The following POMGNT1 variants were observed in gnomAD, a reference collection of about 807,000 sequenced individuals.
POMGNT1 encodes protein O-linked mannose N-acetylglucosaminyltransferase 1 (beta 1,2-).
POMGNT1 carries 67 observed loss-of-function variants against 95.6 expected under a neutral mutation model. That is an observed-to-expected ratio of 0.70 (90% CI 0.58 to 0.86). The LOEUF (loss-of-function observed/expected upper bound fraction) is 0.86. POMGNT1 is among the 40% of genes least tolerant of loss of function. The pLI is 0.00. For synonymous variants in POMGNT1, 298 were observed against 317.9 expected (o/e 0.94, Z 0.66); for missense variants, 719 against 855.2 (o/e 0.84, Z 1.99).
upstream of POMGNT1, among the ~76,000 whole-genome samples, chr1:46,202,671 T>A (rs1658567645): frequency 8.8e-6 from 1 of 113,066 alleles, no homozygotes; most frequent in Non-Finnish European, 1.6e-5. Flanking sequence ...CGCTACATCC[T>A]GGGCGACAGA....
chr1:46,197,305 T>TA (rs1159095211), intron 2 of POMGNT1: 1 of 1,488,952 alleles, frequency 6.7e-7, no homozygotes, highest in Non-Finnish European at 9.0e-7. Flanking sequence ...GGGCCCTCCC[T>TA]ACCCAGTGCT....
At chr1:46,219,069 G>A (rs1659150391) in intron 1 of POMGNT1, among the ~76,000 whole-genome samples, 1 of 152,032 alleles carries the variant, frequency 6.6e-6, no homozygotes. Context: ...GGCTGAGGTG[G>A]GCGGATCACC....
upstream of POMGNT1, among the ~76,000 whole-genome samples, chr1:46,200,384 G>A (rs567470650): frequency 4.6e-5 from 7 of 152,110 alleles, no homozygotes; most frequent in Non-Finnish European, 8.8e-5. Context: ...CCCCTCTAAC[G>A]CAACAGCACA....
chr1:46,211,100 C>A (rs1266811610), intron 1 of POMGNT1, among the ~76,000 whole-genome samples: 3 of 152,040 alleles, frequency 2.0e-5, no homozygotes, highest in Admixed American at 6.6e-5. Context: ...TTTAAAGAGA[C>A]TTTATTGGTT....
intron 13 of POMGNT1, 103 bp from the exon 14 acceptor site, chr1:46,193,061 C>T: frequency 1.2e-6 from 2 of 1,604,200 alleles, no homozygotes; most frequent in Non-Finnish European, 1.7e-6. Flanking sequence ...CCCCATTTTC[C>T]AGATGTGAAG....
intron 1 of POMGNT1, among the ~76,000 whole-genome samples, chr1:46,211,456 C>T (rs1296625314): frequency 7.2e-5 from 11 of 151,810 alleles, no homozygotes; most frequent in Non-Finnish European, 1.2e-4. Context: ...CACACACACA[C>T]ACACACACAC....
upstream of POMGNT1, among the ~76,000 whole-genome samples, chr1:46,199,918 C>T (rs981240040): frequency 1.3e-5 from 2 of 152,106 alleles, no homozygotes; most frequent in African/African-American, 4.8e-5. Context: ...TCACGTAATC[C>T]CAGCAGGTTG....
At chr1:46,213,439 G>A (rs1431554109) in intron 1 of POMGNT1, among the ~76,000 whole-genome samples, 1 of 151,318 alleles carries the variant, frequency 6.6e-6, no homozygotes, top group Admixed American at 6.7e-5. Context: ...CCTCCTGCTG[G>A]TGTATTTCTC....
upstream of POMGNT1, among the ~76,000 whole-genome samples, chr1:46,202,915 G>GGGC (rs1658583724): frequency 9.1e-6 from 1 of 109,956 alleles, no homozygotes; most frequent in African/African-American, 3.5e-5. Context: ...CTGGGGGGGG[G>GGGC]GGGTGGTGTG....
In POMGNT1 at chr1:46,189,438, G is replaced by A; in HGVS notation, c.1895+20C>T. ...TCTCACTAGGCCTCCTGTTTCCCAG[G>A]GCAGAAAAGGGTCACTCACGAGTAG... On this transcript the variant is annotated intron_variant, in intron 21 of 21. Transcript: ENST00000371984. The A allele has an allele frequency of 2.5e-6, 4 of 1,613,458 alleles. No homozygotes were observed. Among genetic ancestry groups the A allele is most frequent in the Non-Finnish European group, 3.4e-6 (4 of 1,179,708 alleles).
chr1:46,194,961 C>T lies in POMGNT1; in HGVS notation c.535G>A (p.Asp179Asn), dbSNP rs776268394. ...PGRVLICTVK[D>N]EGSFHLKDTA... ...TCCTTGAGGTGGAAGGAGCCCTCAT[C>T]CTGGGGGACCAGAGAAGGCAGTTAG... is the stretch of plus-strand genomic sequence containing the variant. Residue 179 changes from aspartate (D) to asparagine (N), a missense_variant and splice_region_variant, in exon 7 of 22, where the codon GAT (aspartate) becomes AAT (asparagine). By Grantham distance (23) the Asp-to-Asn change is conservative. This residue lies in a region of POMGNT1 where 466 missense variants were observed against 517.4 expected (regional missense o/e 0.90). Transcript: ENST00000371984. 2 of 1,614,050 alleles carry T rather than the reference C, an allele frequency of 1.2e-6. No individual in the cohort carries two copies. The highest frequency in any genetic ancestry group is 2.2e-5 in the South Asian group (2 of 91,082).
upstream of POMGNT1, among the ~76,000 whole-genome samples, chr1:46,202,108 G>GAA (rs572883655): frequency 5.1e-5 from 7 of 136,538 alleles, no homozygotes; most frequent in South Asian, 2.6e-4. Flanking sequence ...AACACCAAAA[G>GAA]AAAAAAAAAA....
chr1:46,197,501 G>A, intron 2 of POMGNT1: 1 of 1,494,756 alleles, frequency 6.7e-7, no homozygotes, highest in South Asian at 1.3e-5. Flanking sequence ...CAGAAGCTTA[G>A]AAGTTGTACT....
chr1:46,195,550 G>C (rs1658163314), intron 6 of POMGNT1: 2 of 524,764 alleles, frequency 3.8e-6, no homozygotes, highest in African/African-American at 3.8e-5. Context: ...ACCTCCCACT[G>C]CTGGAATATA....
In POMGNT1 at chr1:46,204,977, G is replaced by A. The variant is rs186053455; in HGVS notation, c.-50-7106C>T. 1.5e-4 allele frequency among the ~76,000 whole-genome samples: 23 copies of A among 152,346 alleles called. No individual in the cohort carries two copies. In the South Asian group the frequency reaches 3.5e-3, roughly 23 times the overall value. On this transcript the variant is annotated intron_variant, in intron 1 of 22. Coordinates refer to the POMGNT1 transcript ENST00000371992. ...TATAGATGGAGAAACTGAGGCACAGGGTGGGCATGGTGGCTCACGCCTGTA... is the reference window on the plus strand; with the variant it reads ...TATAGATGGAGAAACTGAGGCACAGAGTGGGCATGGTGGCTCACGCCTGTA...
upstream of POMGNT1, among the ~76,000 whole-genome samples, chr1:46,198,848 G>A (rs1658444432): frequency 6.6e-6 from 1 of 152,228 alleles, no homozygotes; most frequent in African/African-American, 2.4e-5. Context: ...GGCCAAGGGA[G>A]ATTAAAATCC....
chr1:46,212,724 G>C (rs1658941389), intron 1 of POMGNT1, among the ~76,000 whole-genome samples: 1 of 152,106 alleles, frequency 6.6e-6, no homozygotes, highest in South Asian at 2.1e-4. Flanking sequence ...TTACAGGCAA[G>C]AGCCACCATG....
intron 1 of POMGNT1, among the ~76,000 whole-genome samples, chr1:46,218,117 A>G (rs1659122344): frequency 6.6e-6 from 1 of 152,162 alleles, no homozygotes; most frequent in East Asian, 1.9e-4. Flanking sequence ...TAGAAATAAA[A>G]CTGGGCTGGG....
In POMGNT1 at chr1:46,195,694, G is replaced by A. The variant is rs535688311; in HGVS notation, c.534+117C>T. 2.3e-4 allele frequency: 225 copies of A among 965,108 alleles called. 7 individuals carry two copies. In the South Asian group the frequency reaches 2.8e-3, roughly 12 times the overall value. The allele number at this position is 965,108 out of a possible 1,614,324, so 59.8% of individuals were successfully genotyped here. A position where few individuals can be genotyped will look rare whatever the true frequency, so the allele number is the denominator to read the frequency against. On this transcript the variant is annotated intron_variant, in intron 6 of 21. Transcript: ENST00000371984. ...AATGTTAAGGCTGAGATTGGAACCT[G>A]AGTAACCTTCCTTCAGAGAATCTTC...
Sources: gnomAD v4.1 joint callset for allele counts (sites outside exome capture counted in the v4.1 genomes callset) on GRCh38, gnomAD v4.1.1 for gene constraint, gnomAD v4.1.1 regional missense constraint, MANE v1.5 for transcripts, NCBI Gene and HGNC (gene_info 2026-07-23, HGNC 2026-07-21) for gene names.